SLC17A6: variants seen among roughly 807,000 people sequenced by gnomAD.
The protein encoded by SLC17A6 is vesicular glutamate transporter 2.
Under a neutral mutation model 67.1 loss-of-function variants are expected in SLC17A6, and 35 were observed. The ratio of observed to expected loss-of-function variants is 0.52; its 90% confidence interval spans 0.40 to 0.69. The LOEUF (loss-of-function observed/expected upper bound fraction) is 0.69, where lower values mean the gene tolerates loss of function less well. Among genes scored for constraint, SLC17A6 ranks in the 30% least tolerant of loss-of-function variants. SLC17A6 has a pLI of 0.00. For missense variants in SLC17A6, 588 were observed against 723.9 expected, an observed-to-expected ratio of 0.81 and a Z score of 2.15; for synonymous variants, 285 against 252.3, an observed-to-expected ratio of 1.13 and a Z score of -1.23.
At chr11:22,367,984 G>T (rs1856132050) in intron 7 of SLC17A6, among the ~76,000 whole-genome samples, 1 of 152,264 alleles carries the variant, frequency 6.6e-6, no homozygotes, top group East Asian at 1.9e-4. Context: ...AGGAGAAAGA[G>T]TACTGACAGG....
At chr11:22,365,797 A>C (rs1474541287) in intron 7 of SLC17A6, 108 bp downstream of exon 7, 1 of 1,187,510 alleles carries the variant, frequency 8.4e-7, no homozygotes, top group African/African-American at 1.6e-5. Context: ...TTTGGTATCA[A>C]TCATAACTTC....
chr11:22,371,120 T>G (rs1856170745), intron 8 of SLC17A6, among the ~76,000 whole-genome samples: 1 of 152,122 alleles, frequency 6.6e-6, no homozygotes, highest in Non-Finnish European at 1.5e-5. Context: ...TGTTTAATTA[T>G]CTTTACTATG....
At chr11:22,351,923 A>G (rs1488572150) in intron 3 of SLC17A6, among the ~76,000 whole-genome samples, 1 of 150,896 alleles carries the variant, frequency 6.6e-6, no homozygotes, top group Admixed American at 6.6e-5. Context: ...TTGTTATATA[A>G]TCTATTTCCT....
intron 7 of SLC17A6, among the ~76,000 whole-genome samples, chr11:22,369,788 A>G (rs998808465): frequency 3.3e-5 from 5 of 151,998 alleles, no homozygotes; most frequent in Admixed American, 1.3e-4. Context: ...ATAATTATGT[A>G]ATCCTGCATA....
intron 3 of SLC17A6, among the ~76,000 whole-genome samples, chr11:22,344,724 A>G (rs1855856242): frequency 2.0e-5 from 3 of 152,216 alleles, no homozygotes; most frequent in African/African-American, 7.2e-5. Flanking sequence ...TGGACACTTG[A>G]TGAAACTCAT....
At chr11:22,364,046 A>G (rs968757184) in intron 6 of SLC17A6, among the ~76,000 whole-genome samples, 3 of 152,178 alleles carry the variant, frequency 2.0e-5, no homozygotes, top group African/African-American at 7.2e-5. Flanking sequence ...GTTATATCTC[A>G]TTTGATATTT....
chr11:22,361,849 C>G (rs551234340), intron 5 of SLC17A6, among the ~76,000 whole-genome samples: 5 of 152,286 alleles, frequency 3.3e-5, no homozygotes, highest in African/African-American at 1.2e-4. Flanking sequence ...CTTTCCAAAT[C>G]AGATATTAGA....
chr11:22,342,953 G>C (rs1403317482), intron 2 of SLC17A6: 1 of 516,200 alleles, frequency 1.9e-6, no homozygotes. Flanking sequence ...TTTCCAAGAC[G>C]GGGGCCCTCT....
intron 3 of SLC17A6, among the ~76,000 whole-genome samples, chr11:22,344,862 C>A (rs1468168400): frequency 6.6e-6 from 1 of 151,942 alleles, no homozygotes; most frequent in Admixed American, 6.6e-5. Flanking sequence ...GTTTTTAGAT[C>A]CCCAATATAT....
intron 1 of SLC17A6, 24 bp downstream of exon 1, chr11:22,338,643 T>A: frequency 3.2e-6 from 5 of 1,559,706 alleles, no homozygotes; most frequent in Middle Eastern, 1.7e-4. Context: ...AACACTTGCT[T>A]ACCTGGGGCT....
chr11:22,377,000 A>G (rs1185175112), intron 11 of SLC17A6, among the ~76,000 whole-genome samples: 1 of 151,836 alleles, frequency 6.6e-6, no homozygotes, highest in Admixed American at 6.6e-5. Context: ...CTCAATTCAG[A>G]CTCCTCTGCA....
chr11:22,339,984 G>A (rs910003939), intron 1 of SLC17A6, among the ~76,000 whole-genome samples: 4 of 151,800 alleles, frequency 2.6e-5, no homozygotes, highest in Non-Finnish European at 4.4e-5. Flanking sequence ...CATTGTGATC[G>A]GACTTTAAGA....
In SLC17A6 at chr11:22,376,471, A is replaced by G. The variant is rs575739699; in HGVS notation, c.1286-74A>G. The G allele has an allele frequency of 1.6e-4, 246 of 1,533,912 alleles. No homozygotes were observed. In the African/African-American group the frequency reaches 3.2e-3, roughly 20 times the overall value. ...ACCCAGTATATTTTAAGGAGTTGTG[A>G]TGTGTGGTTCTATAGGTATTTACTT... On this transcript the variant is annotated intron_variant, in intron 10 of 11. Transcript: ENST00000263160.
At chr11:22,372,970 A>G (rs1217421216) in intron 8 of SLC17A6, among the ~76,000 whole-genome samples, 1 of 152,150 alleles carries the variant, frequency 6.6e-6, no homozygotes, top group African/African-American at 2.4e-5. Context: ...AGAAAATAGG[A>G]GAGTCAATAC....
intron 8 of SLC17A6, among the ~76,000 whole-genome samples, chr11:22,373,342 T>A (rs1856194725): frequency 6.6e-6 from 1 of 152,188 alleles, no homozygotes; most frequent in Non-Finnish European, 1.5e-5. Context: ...TCTTTCAGAA[T>A]GTTTTTGTTG....
chr11:22,349,291 C>T (rs536902447), intron 3 of SLC17A6, among the ~76,000 whole-genome samples: 1 of 152,240 alleles, frequency 6.6e-6, no homozygotes, highest in South Asian at 2.1e-4. Flanking sequence ...TCTTTTAAGG[C>T]CAGAGGTGAC....
At chr11:22,374,955 C>T in intron 9 of SLC17A6, 68 bp downstream of exon 9, 1 of 1,410,384 alleles carries the variant, frequency 7.1e-7, no homozygotes, top group Non-Finnish European at 9.4e-7. Context: ...GAGAGAATAA[C>T]TTTTTCTACA....
chr11:22,359,009 T>A (rs1323371857), intron 3 of SLC17A6, among the ~76,000 whole-genome samples: 5 of 152,176 alleles, frequency 3.3e-5, no homozygotes, highest in Admixed American at 3.3e-4. Context: ...ACCAACTGTG[T>A]GTCAGGCACT....
chr11:22,376,174 T>C, intron 10 of SLC17A6, 82 bp downstream of exon 10: 2 of 815,840 alleles, frequency 2.5e-6, no homozygotes, highest in South Asian at 2.0e-5. Context: ...TACCTTTTTA[T>C]AGATATCTTC....
Sources: allele counts gnomAD v4.1 joint callset (sites outside exome capture counted in the v4.1 genomes callset), GRCh38; gene constraint gnomAD v4.1.1; transcripts MANE v1.5; gene names NCBI Gene and HGNC (gene_info 2026-07-23, HGNC 2026-07-21).